Variants in KIAA0825 observed in about 807,000 individuals in gnomAD.
KIAA0825 encodes the protein uncharacterized protein KIAA0825.
A neutral mutation model predicts 147.6 loss-of-function variants in KIAA0825; 119 were observed. The observed-to-expected ratio is 0.81, with a 90% confidence interval of 0.69 to 0.94. The LOEUF is 0.94. KIAA0825 is among the 40% of genes least tolerant of loss of function. The pLI is 0.00. For synonymous variants in KIAA0825, 470 were observed against 518.1 expected, an observed-to-expected ratio of 0.91 and a Z score of 1.26; for missense variants, 1,381 against 1,472.7, an observed-to-expected ratio of 0.94 and a Z score of 1.02.
At chr5:94,186,682 C>A (rs956043586) in intron 20 of KIAA0825, among the ~76,000 whole-genome samples, 1 of 152,128 alleles carries the variant, frequency 6.6e-6, no homozygotes, top group Admixed American at 6.5e-5. Context: ...CAGAGATAGA[C>A]CAATCATGTA....
At chr5:94,326,429 G>T (rs1780699402) in intron 20 of KIAA0825, among the ~76,000 whole-genome samples, 1 of 152,164 alleles carries the variant, frequency 6.6e-6, no homozygotes, top group Non-Finnish European at 1.5e-5. Context: ...GTAAGATGTA[G>T]TTCCAAACCA....
chr5:94,538,466 C>T (rs1171430642), intron 2 of KIAA0825, among the ~76,000 whole-genome samples: 1 of 152,220 alleles, frequency 6.6e-6, no homozygotes, highest in East Asian at 1.9e-4. Context: ...TCACATGACC[C>T]TACCTGGCTG....
chr5:94,193,593 ATACT>A (rs1770868953), intron 20 of KIAA0825, among the ~76,000 whole-genome samples: 2 of 152,222 alleles, frequency 1.3e-5, no homozygotes, highest in African/African-American at 4.8e-5. Context: ...TTAATAGCAA[ATACT>A]TACATTGCAC....
At chr5:94,298,885 C>T (rs1013866265) in intron 20 of KIAA0825, among the ~76,000 whole-genome samples, 1 of 152,114 alleles carries the variant, frequency 6.6e-6, no homozygotes, top group Non-Finnish European at 1.5e-5. Context: ...AAATGTGTCA[C>T]CACAGAGAAA....
intron 20 of KIAA0825, among the ~76,000 whole-genome samples, chr5:94,291,318 GT>G (rs994271842): frequency 1.3e-5 from 2 of 152,146 alleles, no homozygotes; most frequent in African/African-American, 4.8e-5. Context: ...TCCAGTTTCA[GT>G]TTTCTGCATA....
intron 20 of KIAA0825, among the ~76,000 whole-genome samples, chr5:94,269,463 T>C (rs1776882257): frequency 6.6e-6 from 1 of 152,140 alleles, no homozygotes; most frequent in Admixed American, 6.5e-5. Context: ...AATTCTCCAG[T>C]CAGAAGACAC....
In KIAA0825 at chr5:94,484,940, G is replaced by T; in HGVS notation, c.971-10C>A. 6.8e-7 allele frequency: 1 copy of T among 1,466,920 alleles called. No individual in the cohort carries two copies. Among genetic ancestry groups the T allele is most frequent in the African/African-American group, 1.4e-5 (1 of 70,898 alleles). The allele number at this position is 1,466,920 out of a possible 1,614,324, so 90.9% of individuals were successfully genotyped here. On this transcript the variant is annotated splice_polypyrimidine_tract_variant and intron_variant, in intron 5 of 20. Coordinates refer to ENST00000682413, the MANE Select transcript of KIAA0825 (RefSeq NM_001145678.3). ...GGGCATTCAGTAGTAACTGTGAAAA[G>T]AAAAGATCAATACTGTCATACATTT...
intron 15 of KIAA0825, 104 bp from the exon 16 acceptor site, chr5:94,403,897 G>A: frequency 1.1e-6 from 1 of 915,708 alleles, no homozygotes. Context: ...AAAGCTATAG[G>A]AAAGGAGAGC....
At chr5:94,286,806 G>A (rs772597980) in intron 20 of KIAA0825, among the ~76,000 whole-genome samples, 5 of 152,084 alleles carry the variant, frequency 3.3e-5, no homozygotes, top group African/African-American at 7.2e-5. Flanking sequence ...GTCTTGAAAC[G>A]CTGGCTTCAC....
chr5:94,421,495 T>A (rs947526245), intron 14 of KIAA0825, among the ~76,000 whole-genome samples: 3 of 152,222 alleles, frequency 2.0e-5, no homozygotes, highest in African/African-American at 4.8e-5. Context: ...ATATGCTTAT[T>A]TCCAGGCTCA....
At chr5:94,261,572 C>G (rs1776494614) in intron 20 of KIAA0825, among the ~76,000 whole-genome samples, 2 of 151,998 alleles carry the variant, frequency 1.3e-5, no homozygotes, top group Admixed American at 1.3e-4. Flanking sequence ...TAATGGTCAC[C>G]TTTAAAATGA....
intron 20 of KIAA0825, among the ~76,000 whole-genome samples, chr5:94,307,738 G>C (rs534313984): frequency 1.9e-4 from 29 of 151,832 alleles, no homozygotes; most frequent in African/African-American, 7.0e-4. Flanking sequence ...CGAAAACAGA[G>C]ATTGTCTTCC....
chr5:94,606,603 GC>G (rs1251494625), intron 1 of KIAA0825, among the ~76,000 whole-genome samples: 1 of 152,048 alleles, frequency 6.6e-6, no homozygotes, highest in East Asian at 1.9e-4. Flanking sequence ...CAGAAATAAG[GC>G]CGCATATCTA....
At chr5:94,550,859 C>G (rs1409422276) in intron 2 of KIAA0825, among the ~76,000 whole-genome samples, 1 of 147,164 alleles carries the variant, frequency 6.8e-6, no homozygotes, top group Non-Finnish European at 1.5e-5. Context: ...AAAAAAAAAG[C>G]AACACAATAA....
intron 3 of KIAA0825, among the ~76,000 whole-genome samples, chr5:94,535,493 C>CA (rs11362220): frequency 0.073 from 2,324 of 31,962 alleles, 198 homozygotes; most frequent in East Asian, 0.099. Context: ...CTGGGTGACT[C>CA]AAAAAAAAAA....
chr5:94,164,430 T>TC (rs1767851250), intron 20 of KIAA0825, among the ~76,000 whole-genome samples: 1 of 150,644 alleles, frequency 6.6e-6, no homozygotes, highest in Non-Finnish European at 1.5e-5. Flanking sequence ...TTTTTTTTTT[T>TC]AGACAGAGTC....
At chr5:94,225,102 T>G (rs12188453) in intron 20 of KIAA0825, among the ~76,000 whole-genome samples, 13,278 of 152,252 alleles carry the variant, frequency 0.087, 734 homozygotes, top group Middle Eastern at 0.14. Context: ...CCAAATTTTC[T>G]ACATACGTTT....
At chr5:94,180,927 A>G (rs548241571) in intron 20 of KIAA0825, among the ~76,000 whole-genome samples, 156 of 152,064 alleles carry the variant, frequency 1.0e-3, no homozygotes, top group Non-Finnish European at 1.9e-3. Context: ...TGGGTTATTC[A>G]TCTTCAAAGT....
At position 94,484,887 on chromosome 5, in the gene KIAA0825, A is replaced by G. The variant is rs765093314; in HGVS notation, c.1014T>C (p.Pro338=). ...CPQKGRNFSL[P]LDKVEFLSQL... Reference sequence around the variant, plus strand: ...GCGATAAGAATTCGACTTTGTCTAAAGGGAGAGAGAAGTTTCTTCCTTTCT... The same window carrying G: ...GCGATAAGAATTCGACTTTGTCTAAGGGGAGAGAGAAGTTTCTTCCTTTCT... The change falls in exon 6 of 21, where the codon CCT becomes CCC. Residue 338 remains proline (P), a synonymous_variant. Coordinates refer to ENST00000682413, the MANE Select transcript of KIAA0825 (RefSeq NM_001145678.3). 6.5e-7 allele frequency: 1 copy of G among 1,531,386 alleles called. No individual in the cohort carries two copies. Among genetic ancestry groups the G allele is most frequent in the South Asian group, 1.2e-5 (1 of 81,460 alleles). The allele number at this position is 1,531,386 out of a possible 1,614,324, so 94.9% of individuals were successfully genotyped here. A position where few individuals can be genotyped will look rare whatever the true frequency, so the allele number is the denominator to read the frequency against.
Sources: allele counts gnomAD v4.1 joint callset (sites outside exome capture counted in the v4.1 genomes callset), GRCh38; gene constraint gnomAD v4.1.1; transcripts MANE v1.5; gene names NCBI Gene and HGNC (gene_info 2026-07-23, HGNC 2026-07-21).